Variants in AHNAK2 observed in about 807,000 individuals in gnomAD.
AHNAK2 encodes the protein AHNAK nucleoprotein 2, also known as protein AHNAK2.
In AHNAK2, 18 loss-of-function variants were observed where a neutral mutation model predicts 30.7. The ratio of observed to expected loss-of-function variants is 0.59; its 90% CI spans 0.41 to 0.87. The LOEUF (loss-of-function observed/expected upper bound fraction) is 0.87. AHNAK2 is among the 40% of genes least tolerant of loss of function. The pLI is 0.00. For synonymous variants in AHNAK2, 3,590 were observed against 3,073.8 expected, an observed-to-expected ratio of 1.17 and a Z score of -5.56; for missense variants, 8,604 against 7,373.0, an observed-to-expected ratio of 1.17 and a Z score of -6.11.
chr14:104,953,203 C>G lies in AHNAK2; in HGVS notation c.2248G>C (p.Glu750Gln), dbSNP rs202156630. The change falls in exon 7 of 7, where the codon GAG becomes CAG. Residue 750 changes from glutamate to glutamine, a missense_variant. By Grantham distance (29) the Glu-to-Gln change is conservative. Coordinates refer to ENST00000333244, the MANE Select transcript of AHNAK2 (RefSeq NM_138420.4). ...DVKLPEGPLPEGASLKGHLPK... is the reference protein window; with the variant it reads ...DVKLPEGPLPQGASLKGHLPK... Reference sequence around the variant, plus strand: ...AGGTGCCCTTTGAGGCTGGCTCCCTCGGGCAGGGGGCCCTCCGGAAGTTTC... The same window carrying G: ...AGGTGCCCTTTGAGGCTGGCTCCCTGGGGCAGGGGGCCCTCCGGAAGTTTC... The G allele has an allele frequency of 6.3e-5, 101 of 1,613,144 alleles. 1 individual carries two copies. Among genetic ancestry groups the G allele is most frequent in the Non-Finnish European group, 6.1e-5 (72 of 1,179,680 alleles).
At chr14:104,957,187 G>T (rs1287195750) in intron 3 of AHNAK2, among the ~76,000 whole-genome samples, 1 of 152,200 alleles carries the variant, frequency 6.6e-6, no homozygotes, top group Non-Finnish European at 1.5e-5. Flanking sequence ...CAGCCCATAC[G>T]CATGCTCACA....
rs79451612 is a variant in AHNAK2, at chr14:104,972,649, C to T, written c.55+5534G>A. ...TGCGGCCAGTGTGGTCCGCCAAGCC[C>T]TGGAACACATGACGGAGATCTCCTC... On this transcript the variant is annotated intron_variant, in intron 1 of 6. Coordinates refer to ENST00000333244, the MANE Select transcript of AHNAK2 (RefSeq NM_138420.4). Among the ~76,000 whole-genome samples, 479 of 152,358 alleles carry T rather than the reference C, an allele frequency of 3.1e-3. 1 individual carries two copies. The highest frequency in any genetic ancestry group is 0.011 in the African/African-American group (472 of 41,582).
At chr14:104,955,872 G>A (rs1171447242) in intron 4 of AHNAK2, among the ~76,000 whole-genome samples, 1 of 152,268 alleles carries the variant, frequency 6.6e-6, no homozygotes. Flanking sequence ...CAGGACTTAG[G>A]CACAGCCTGT....
intron 1 of AHNAK2, among the ~76,000 whole-genome samples, chr14:104,959,941 A>G (rs1294908543): frequency 6.6e-6 from 1 of 152,234 alleles, no homozygotes; most frequent in African/African-American, 2.4e-5. Context: ...TTCTTGAAAA[A>G]GGCAATATAG....
At position 104,946,112 on chromosome 14, in the gene AHNAK2, G is replaced by C. The variant is rs747532273; in HGVS notation, c.9339C>G (p.Val3113=). ...EVSQPGMEVD[V]EAPGAKLDGA... is the part of the protein sequence containing the mutation. ...CATCCAACTTGGCTCCTGGGGCCTC[G>C]ACATCCACCTCCATGCCGGGCTGAG... is the stretch of plus-strand genomic sequence containing the variant. Residue 3113 remains valine (V), a synonymous_variant, in exon 7 of 7, where the codon GTC becomes GTG. Coordinates refer to ENST00000333244, the MANE Select transcript of AHNAK2 (RefSeq NM_138420.4). 24 of 1,611,450 alleles carry C rather than the reference G, an allele frequency of 1.5e-5. No homozygotes were observed. The Admixed American group carries it at 3.7e-4, about 25-fold the overall frequency.
chr14:104,958,383 G>A (rs1388422273), intron 1 of AHNAK2, among the ~76,000 whole-genome samples: 1 of 152,166 alleles, frequency 6.6e-6, no homozygotes, highest in African/African-American at 2.4e-5. Flanking sequence ...GGGAGGCGGA[G>A]GTTGTGGTGA....
intron 1 of AHNAK2, among the ~76,000 whole-genome samples, chr14:104,977,316 C>T (rs913519818): frequency 6.6e-6 from 1 of 152,196 alleles, no homozygotes; most frequent in Non-Finnish European, 1.5e-5. Context: ...CTGCCCTGCC[C>T]CCCTCAGCCC....
Position 104,944,406 on chromosome 14 carries a change from T to C in AHNAK2, c.11045A>G (p.Lys3682Arg), listed in dbSNP as rs1331188484. ...GGGCTGAATGCTGAGGTCAGTGGTCTTCAGGTCCCCCTGCATGGAGGGGAG... is the reference window on the plus strand; with the variant it reads ...GGGCTGAATGCTGAGGTCAGTGGTCCTCAGGTCCCCCTGCATGGAGGGGAG... ...VSLPSMQGDLKTTDLSIQPPS... is the reference protein window; with the variant it reads ...VSLPSMQGDLRTTDLSIQPPS... Residue 3682 changes from lysine to arginine, a missense_variant, in exon 7 of 7, where the codon AAG becomes AGG. By Grantham distance (26) the Lys-to-Arg change is conservative. Coordinates refer to ENST00000333244, the MANE Select transcript of AHNAK2 (RefSeq NM_138420.4). 2 of 1,612,322 alleles carry C rather than the reference T, an allele frequency of 1.2e-6. No individual in the cohort carries two copies. Among genetic ancestry groups the C allele is most frequent in the African/African-American group, 1.3e-5 (1 of 74,502 alleles).
rs1442592865 is a variant in AHNAK2, at chr14:104,942,442, T to A, written c.13009A>T (p.Met4337Leu). The A allele has an allele frequency of 1.2e-6, 2 of 1,612,652 alleles. No individual in the cohort carries two copies. Among genetic ancestry groups the A allele is most frequent in the South Asian group, 1.1e-5 (1 of 91,008 alleles). Residue 4337 changes from methionine (M) to leucine (L), a missense_variant, in exon 7 of 7, where the codon ATG (methionine) becomes TTG (leucine). Transcript: ENST00000333244. ...KVEADVSLPS[M>L]QGDLKTTHLS... The stretch of plus-strand genomic sequence containing the variant: ...TGAGTGGTCTTCAGGTCCCCCTGCA[T>A]GGAGGGGAGGCTCACGTCAGCCTCC...
chr14:104,957,554 G>A (rs149134261), intron 2 of AHNAK2, 46 bp from the exon 3 acceptor site: 68,265 of 1,594,806 alleles, frequency 0.043, 1,757 homozygotes, highest in Non-Finnish European at 0.052. Context: ...GTTCTCCCAG[G>A]GCCCAGGGAG....
rs931424143 is a variant in AHNAK2 at position 104,955,226 on chromosome 14, C to A, written c.467-85G>T. 5 of 1,463,934 alleles carry A rather than the reference C, an allele frequency of 3.4e-6. No homozygotes were observed. The African/African-American group carries it at 5.6e-5, about 16-fold the overall frequency. 90.7% of individuals were successfully genotyped at this position (1,463,934 alleles called of 1,614,324 possible). ...TTGCCTTGGCTGGCGAGGAGGGTCCCGGGGACATGAATAGGGGGAATCCCA... is the reference window on the plus strand; with the variant it reads ...TTGCCTTGGCTGGCGAGGAGGGTCCAGGGGACATGAATAGGGGGAATCCCA... On this transcript the variant is annotated intron_variant, in intron 5 of 6. Coordinates refer to ENST00000333244, the MANE Select transcript of AHNAK2 (RefSeq NM_138420.4).
rs201173953 is a variant in AHNAK2, at chr14:104,942,856, C to A, written c.12595G>T (p.Val4199Leu). 6.2e-7 allele frequency: 1 copy of A among 1,612,512 alleles called. No homozygotes were observed. The highest frequency in any genetic ancestry group is 1.1e-5 in the South Asian group (1 of 91,008). Reference sequence around the variant, plus strand: ...GGCAGGGGGCCCTCCGGGAGTTTCACGTCCACTTGGCCAGCCTGGACCTCC... The same window carrying A: ...GGCAGGGGGCCCTCCGGGAGTTTCAAGTCCACTTGGCCAGCCTGGACCTCC... Reference protein sequence around the residue: ...DLEVQAGQVDVKLPEGPLPKG... With the variant: ...DLEVQAGQVDLKLPEGPLPKG... The change falls in exon 7 of 7, where the codon GTG becomes TTG. Residue 4199 changes from valine to leucine, a missense_variant. By Grantham distance (32) the Val-to-Leu change is conservative. Transcript: ENST00000333244.
In AHNAK2 at chr14:104,954,204, G is replaced by T. The variant is rs1234389062; in HGVS notation, c.1247C>A (p.Ala416Glu). ...CAGGGTCTTTCCATGGAGCCTGGCT[G>T]CCCTGAGTCCCCCTTCCTGAGGGGT... ...EGTPQEGGLR[A>E]ARLHGKTLEG... Residue 416 changes from alanine to glutamate, a missense_variant, in exon 7 of 7, where the codon GCA becomes GAA. Coordinates refer to ENST00000333244, the MANE Select transcript of AHNAK2 (RefSeq NM_138420.4). This position sits in a 1 kb window ranked among gnomAD's most constrained non-coding sequence, Gnocchi z 4.3. 4 of 1,610,458 alleles carry T rather than the reference G, an allele frequency of 2.5e-6. No individual in the cohort carries two copies. In the African/African-American group the frequency reaches 4.0e-5, roughly 16 times the overall value.
At chr14:104,969,583 G>C (rs1349809950) in intron 1 of AHNAK2, among the ~76,000 whole-genome samples, 1 of 152,244 alleles carries the variant, frequency 6.6e-6, no homozygotes, top group Non-Finnish European at 1.5e-5. Context: ...ATAAATGCTA[G>C]TGCAGGCAGT....
Position 104,942,074 on chromosome 14 carries a change from T to C in AHNAK2, c.13377A>G (p.Lys4459=). ...ACTTGGGCATTTTGAACTTGCTGTC[T>C]TTGGCAGTCACGTCCTTGTCAGCCA... ...LSLADKDVTA[K]DSKFKMPKFK... Residue 4459 remains lysine (K), a synonymous_variant, in exon 7 of 7, where the codon AAA becomes AAG. Coordinates refer to ENST00000333244, the MANE Select transcript of AHNAK2 (RefSeq NM_138420.4). 1 of 1,612,624 alleles carries C rather than the reference T, an allele frequency of 6.2e-7. No individual in the cohort carries two copies. The highest frequency in any genetic ancestry group is 1.3e-5 in the African/African-American group (1 of 74,526).
In AHNAK2 at chr14:104,941,610, A is replaced by G; in HGVS notation, c.13841T>C (p.Leu4614Pro). ...MLDGARLEGDLSLAHEDVAGK... is the reference protein window; with the variant it reads ...MLDGARLEGDPSLAHEDVAGK... ...AGCTACATCCTCGTGGGCCAGGGAC[A>G]GGTCCCCCTCAAGCCGCGCACCATC... is the stretch of plus-strand genomic sequence containing the variant. The change falls in exon 7 of 7, where the codon CTG (leucine) becomes CCG (proline). Residue 4614 changes from leucine to proline, a missense_variant. By Grantham distance (98) the Leu-to-Pro change is moderately conservative. Coordinates refer to ENST00000333244, the MANE Select transcript of AHNAK2 (RefSeq NM_138420.4). The G allele has an allele frequency of 6.2e-7, 1 of 1,613,496 alleles. No individual in the cohort carries two copies.
rs377637525 is a variant in AHNAK2, at chr14:104,941,361, G to A, written c.14090C>T (p.Ser4697Leu). The part of the protein sequence containing the change: ...GLAVGEVGMD[S>L]KFKKLHFKVP... ...TTTAAAATGCAGTTTCTTAAACTTC[G>A]AATCCATTCCAACTTCTCCAACAGC... The change falls in exon 7 of 7, where the codon TCG becomes TTG. Residue 4697 changes from serine (S) to leucine (L), a missense_variant. Coordinates refer to ENST00000333244, the MANE Select transcript of AHNAK2 (RefSeq NM_138420.4). 2.3e-4 allele frequency: 371 copies of A among 1,613,292 alleles called. 1 individual carries two copies. Among genetic ancestry groups the A allele is most frequent in the Admixed American group, 4.7e-4 (28 of 59,982 alleles).
rs1340690805 is a variant in AHNAK2 at position 104,943,868 on chromosome 14, C to T, written c.11583G>A (p.Thr3861=). The T allele has an allele frequency of 2.5e-6, 4 of 1,612,942 alleles. No homozygotes were observed. The highest frequency in any genetic ancestry group is 2.2e-5 in the East Asian group (1 of 44,766). The change falls in exon 7 of 7, where the codon ACG becomes ACA. Residue 3861 remains threonine (T), a synonymous_variant. Coordinates refer to ENST00000333244, the MANE Select transcript of AHNAK2 (RefSeq NM_138420.4). The stretch of plus-strand genomic sequence containing the variant: ...TCATGTCCACCTGGCGAGCTTGGAC[C>T]GTCAGGTCGGCAGAATGGGGCTGAA... ...LSIQPHSADL[T]VQARQVDMKL...
In AHNAK2 at chr14:104,949,677, TG is replaced by T. The variant is rs1566912199; in HGVS notation, c.5773del (p.Gln1925ArgfsTer11). The T allele has an allele frequency of 1.9e-6, 3 of 1,587,198 alleles. No homozygotes were observed. Among genetic ancestry groups the T allele is most frequent in the East Asian group, 4.5e-5 (2 of 44,642 alleles). ...KMPKVDLKGP[Q>X]TDVKGAKLDL... ...CAGCTTGGCGCCCTTAACATCTGTCTGGGGGCCCTTGAGGTCCACTTTGGGC... is the reference window on the plus strand; with the variant it reads ...CAGCTTGGCGCCCTTAACATCTGTCTGGGGCCCTTGAGGTCCACTTTGGGC... On this transcript the variant is annotated frameshift_variant, in exon 7 of 7. Transcript: ENST00000333244. LOFTEE classifies it low-confidence loss of function (END_TRUNC).
Sources: gnomAD v4.1 joint callset for allele counts (sites outside exome capture counted in the v4.1 genomes callset) on GRCh38, gnomAD v4.1.1 for gene constraint, Gnocchi (gnomAD v3.1) non-coding constraint, MANE v1.5 for transcripts, NCBI Gene and HGNC (gene_info 2026-07-23, HGNC 2026-07-21) for gene names.